MGAM2: variants seen among roughly 807,000 people sequenced by gnomAD.
MGAM2 encodes probable maltase-glucoamylase 2.
Under a neutral mutation model 96.1 loss-of-function variants are expected in MGAM2, and 98 were observed. That is an observed-to-expected ratio of 1.02 (90% confidence interval 0.87 to 1.21). The LOEUF (loss-of-function observed/expected upper bound fraction) is 1.21, where lower values mean the gene tolerates loss of function less well. Among genes scored for constraint, MGAM2 ranks in the 50% most tolerant of loss-of-function variants. The pLI is 0.00. For synonymous variants in MGAM2, 749 were observed against 414.8 expected (o/e 1.81, Z -9.79); for missense variants, 2,055 against 1,182.4 (o/e 1.74, Z -10.82).
At chr7:142,145,453 A>G (rs1795354366) in intron 14 of MGAM2, among the ~76,000 whole-genome samples, 1 of 150,840 alleles carries the variant, frequency 6.6e-6, no homozygotes, top group African/African-American at 2.4e-5. Flanking sequence ...AGTTTAAAGC[A>G]TCAGTGGTGC....
intron 45 of MGAM2, 94 bp from the exon 46 acceptor site, chr7:142,208,479 C>G: frequency 2.9e-6 from 2 of 681,948 alleles, no homozygotes; most frequent in Non-Finnish European, 5.3e-6. Flanking sequence ...AACTGTGACC[C>G]CATTGAGAGT....
At chr7:142,203,142 C>A (rs1251491129) in intron 45 of MGAM2, among the ~76,000 whole-genome samples, 1 of 151,970 alleles carries the variant, frequency 6.6e-6, no homozygotes, top group Non-Finnish European at 1.5e-5. Flanking sequence ...TTGACTTTTG[C>A]TTCTTGATTT....
At chr7:142,163,424 G>C (rs1020896397) in intron 23 of MGAM2, among the ~76,000 whole-genome samples, 2 of 152,116 alleles carry the variant, frequency 1.3e-5, no homozygotes, top group African/African-American at 4.8e-5. Context: ...TGGGATTACA[G>C]GCATGCACCA....
At chr7:142,174,445 G>A (rs1010449005) in intron 31 of MGAM2, among the ~76,000 whole-genome samples, 1 of 152,052 alleles carries the variant, frequency 6.6e-6, no homozygotes, top group South Asian at 2.1e-4. Context: ...ATGAATGGGA[G>A]TTCATTTGTG....
chr7:142,161,283 G>T (rs139959699), intron 22 of MGAM2, 70 bp downstream of exon 22: 19 of 684,076 alleles, frequency 2.8e-5, no homozygotes, highest in African/African-American at 2.6e-4. Flanking sequence ...ATCATAGGCT[G>T]CCCAATATGG....
intron 23 of MGAM2, 103 bp from the exon 24 acceptor site, chr7:142,164,753 G>A: frequency 3.7e-6 from 2 of 546,196 alleles, no homozygotes; most frequent in Non-Finnish European, 6.4e-6. Context: ...GCAGAGAAAA[G>A]GAAACAGCTT....
intron 35 of MGAM2, among the ~76,000 whole-genome samples, chr7:142,187,524 C>T (rs1266651978): frequency 6.6e-6 from 1 of 152,190 alleles, no homozygotes; most frequent in Non-Finnish European, 1.5e-5. Flanking sequence ...GTTTAGCACT[C>T]CACTTTGGCC....
At position 142,119,272 on chromosome 7, in the gene MGAM2, A is replaced by G. The variant is rs144971103; in HGVS notation, c.107-1030A>G. ...CTAAATGAGTAAAACATTTAAATAG[A>G]CATTTCTCCCAAGGAAATCTATAAA... On this transcript the variant is annotated intron_variant, in intron 2 of 47. Transcript: ENST00000477922. Among the ~76,000 whole-genome samples the G allele has an allele frequency of 1.7e-3, 253 of 152,348 alleles. 4 individuals carry two copies. In the South Asian group the frequency reaches 0.033, roughly 20 times the overall value.
chr7:142,177,411 G>A (rs541669982), intron 32 of MGAM2, among the ~76,000 whole-genome samples: 1 of 152,268 alleles, frequency 6.6e-6, no homozygotes, highest in East Asian at 1.9e-4. Context: ...TGAGATTTGG[G>A]TAGGGACAGA....
intron 26 of MGAM2, 106 bp from the exon 27 acceptor site, chr7:142,169,969 T>C: frequency 1.7e-6 from 1 of 579,606 alleles, no homozygotes; most frequent in South Asian, 2.2e-5. Context: ...TGCCTACTGA[T>C]ATGGTGCAAA....
chr7:142,134,292 C>A, intron 7 of MGAM2, 140 bp downstream of exon 7: 2 of 410,774 alleles, frequency 4.9e-6, no homozygotes, highest in South Asian at 9.9e-5. Context: ...GTTCTTGAGG[C>A]CTATAAATTC....
At chr7:142,208,127 A>G (rs1445391529) in intron 45 of MGAM2, 6 of 456,434 alleles carry the variant, frequency 1.3e-5, no homozygotes, top group Non-Finnish European at 1.3e-5. Context: ...GAGTTTGCAC[A>G]GCTATTAAGT....
At chr7:142,139,659 C>CAAAAAAA (rs765007343) in intron 10 of MGAM2, among the ~76,000 whole-genome samples, 1 of 54,584 alleles carries the variant, frequency 1.8e-5, no homozygotes, top group Non-Finnish European at 3.8e-5. Context: ...GGCTCTATCT[C>CAAAAAAA]AAAAAAAAAA....
chr7:142,149,972 G>T (rs1158883387), intron 15 of MGAM2, among the ~76,000 whole-genome samples: 2 of 148,216 alleles, frequency 1.3e-5, no homozygotes, highest in African/African-American at 2.5e-5. Flanking sequence ...ACAGAGTTTC[G>T]CTCTTGTTGC....
intron 31 of MGAM2, among the ~76,000 whole-genome samples, chr7:142,175,318 C>T (rs1020116992): frequency 6.6e-6 from 1 of 152,132 alleles, no homozygotes; most frequent in African/African-American, 2.4e-5. Flanking sequence ...AGTTTCTACC[C>T]TTGAACATTT....
In MGAM2 at chr7:142,222,268, C is replaced by T; in HGVS notation, c.*209C>T. On this transcript the variant is annotated 3_prime_UTR_variant, in exon 48 of 48. Coordinates refer to ENST00000477922, the MANE Select transcript of MGAM2 (RefSeq NM_001293626.2). ...AGGTTTACAAACCTTATAGGTTTCA[C>T]CAAAGAAGCTGTGGGTACTTATTTT... 1 of 381,174 alleles carries T rather than the reference C, an allele frequency of 2.6e-6. No homozygotes were observed. The allele number at this position is 381,174 out of a possible 1,614,324, so 23.6% of individuals were successfully genotyped here.
chr7:142,212,619 A>G (rs1041964435), intron 46 of MGAM2, among the ~76,000 whole-genome samples: 2 of 151,726 alleles, frequency 1.3e-5, no homozygotes, highest in Admixed American at 1.3e-4. Flanking sequence ...AGGCCATTAC[A>G]TAATGTTAAG....
chr7:142,144,206 T>C (rs1029227800), intron 13 of MGAM2, among the ~76,000 whole-genome samples: 5 of 152,190 alleles, frequency 3.3e-5, no homozygotes, highest in African/African-American at 9.7e-5. Flanking sequence ...CATTGATTCA[T>C]AAAAATTTAA....
Position 142,198,132 on chromosome 7 carries a change from G to C in MGAM2, c.4867-7G>C, listed in dbSNP as rs1222895103. 1 of 701,916 alleles carries C rather than the reference G, an allele frequency of 1.4e-6. No homozygotes were observed. 43.5% of individuals were successfully genotyped at this position (701,916 alleles called of 1,614,324 possible). A position where few individuals can be genotyped will look rare whatever the true frequency, so the allele number is the denominator to read the frequency against. ...ATTCATAATGACATGTCAATTTTAT[G>C]TTTCAGAGCACATTTGAGATCTCTG... On this transcript the variant is annotated splice_region_variant and splice_polypyrimidine_tract_variant and intron_variant, in intron 42 of 47. Coordinates refer to ENST00000477922, the MANE Select transcript of MGAM2 (RefSeq NM_001293626.2).
Sources: allele counts gnomAD v4.1 joint callset (sites outside exome capture counted in the v4.1 genomes callset), GRCh38; gene constraint gnomAD v4.1.1; transcripts MANE v1.5; gene names NCBI Gene and HGNC (gene_info 2026-07-23, HGNC 2026-07-21).